The following GRIK2 variants were observed in gnomAD, a reference collection of about 807,000 sequenced individuals.
The protein encoded by GRIK2 is glutamate ionotropic receptor kainate type subunit 2.
In GRIK2, 32 loss-of-function variants were observed where a neutral mutation model predicts 100.3. That is an observed-to-expected ratio of 0.32 (90% CI 0.24 to 0.43). GRIK2 has a LOEUF of 0.43. Ranked by LOEUF, GRIK2 falls within the 20% of genes least tolerant of loss-of-function variation. The probability of loss-of-function intolerance (pLI) is 1.00; values close to 1 mark genes in which losing one functional copy is unlikely to be tolerated. For synonymous variants in GRIK2, 417 were observed against 389.4 expected (o/e 1.07, Z -0.83); for missense variants, 843 against 1,114.9 (o/e 0.76, Z 3.47).
At chr6:101,602,575 G>A (rs1045793327) in intron 2 of GRIK2, among the ~76,000 whole-genome samples, 3 of 151,172 alleles carry the variant, frequency 2.0e-5, no homozygotes, top group African/African-American at 7.3e-5. Context: ...TAAAGAAATG[G>A]AGGGTAATTT....
chr6:102,011,577 C>CTTTTTTTTTTTTTTTTTTTTTTTT (rs763369559), intron 14 of GRIK2, among the ~76,000 whole-genome samples: 3 of 76,650 alleles, frequency 3.9e-5, no homozygotes, highest in Admixed American at 2.0e-4. Flanking sequence ...CTTTCTTTTC[C>CTTTTTTTTTTTTTTTTTTTTTTTT]TTTTTTTTTT....
intron 2 of GRIK2, among the ~76,000 whole-genome samples, chr6:101,606,947 A>G (rs1779462377): frequency 6.6e-6 from 1 of 151,966 alleles, no homozygotes; most frequent in African/African-American, 2.4e-5. Context: ...TCTGTGTCAC[A>G]AACAGGTATG....
At chr6:101,811,968 T>G (rs1247643842) in intron 9 of GRIK2, among the ~76,000 whole-genome samples, 1 of 151,384 alleles carries the variant, frequency 6.6e-6, no homozygotes, top group Non-Finnish European at 1.5e-5. Flanking sequence ...AAAACAAAAT[T>G]ATATGAATAA....
intron 14 of GRIK2, among the ~76,000 whole-genome samples, chr6:101,929,594 CGAG>C (rs1790131577): frequency 6.6e-6 from 1 of 152,028 alleles, no homozygotes; most frequent in Admixed American, 6.6e-5. Flanking sequence ...TTCTCACTAT[CGAG>C]GAGATTATGG....
intron 7 of GRIK2, among the ~76,000 whole-genome samples, chr6:101,719,815 G>A (rs1774349564): frequency 6.6e-6 from 1 of 151,960 alleles, no homozygotes; most frequent in Non-Finnish European, 1.5e-5. Flanking sequence ...CCATTTAATA[G>A]TCCATTGACT....
At chr6:101,797,170 AT>A (rs1780359638) in intron 7 of GRIK2, among the ~76,000 whole-genome samples, 1 of 149,996 alleles carries the variant, frequency 6.7e-6, no homozygotes, top group Admixed American at 6.6e-5. Flanking sequence ...ATAGATCAAC[AT>A]TTTTATCTTG....
chr6:101,702,137 A>G (rs1179622829), intron 7 of GRIK2, among the ~76,000 whole-genome samples: 2 of 152,082 alleles, frequency 1.3e-5, no homozygotes, highest in Admixed American at 6.6e-5. Context: ...AAACAGTTAA[A>G]TAAAAGTGCA....
intron 2 of GRIK2, among the ~76,000 whole-genome samples, chr6:101,534,801 CAG>C: frequency 6.6e-6 from 1 of 151,838 alleles, no homozygotes; most frequent in Middle Eastern, 3.4e-3. Flanking sequence ...TTTTCTCTGA[CAG>C]AGAATAAAAG....
At chr6:101,631,763 A>G (rs1030605523) in intron 4 of GRIK2, among the ~76,000 whole-genome samples, 1 of 152,008 alleles carries the variant, frequency 6.6e-6, no homozygotes, top group African/African-American at 2.4e-5. Flanking sequence ...TTAGGTCAAA[A>G]TCACCTCCCT....
At chr6:101,830,727 G>T (rs1402702232) in intron 10 of GRIK2, among the ~76,000 whole-genome samples, 2 of 151,874 alleles carry the variant, frequency 1.3e-5, no homozygotes, top group Non-Finnish European at 2.9e-5. Flanking sequence ...ACAGATGCTG[G>T]TGAGGTGGGG....
chr6:101,820,047 G>A lies in GRIK2; in HGVS notation c.1317+1564G>A, dbSNP rs546684263. The stretch of plus-strand genomic sequence containing the variant: ...TTCCCATTATTTTCTTTCAGGAACC[G>A]TGTGTTTTAATTGAATTGGGATAAC... On this transcript the variant is annotated intron_variant, in intron 10 of 16. Coordinates refer to ENST00000369134, the MANE Select transcript of GRIK2 (RefSeq NM_021956.5). Among the ~76,000 whole-genome samples, 11 of 152,088 alleles carry A rather than the reference G, an allele frequency of 7.2e-5. No individual in the cohort carries two copies. In the South Asian group the frequency reaches 1.5e-3, roughly 20 times the overall value.
At chr6:101,537,129 T>C (rs545672918) in intron 2 of GRIK2, among the ~76,000 whole-genome samples, 1 of 151,856 alleles carries the variant, frequency 6.6e-6, no homozygotes, top group East Asian at 1.9e-4. Flanking sequence ...CTCCTGAAAC[T>C]GATCTATTTA....
intron 2 of GRIK2, among the ~76,000 whole-genome samples, chr6:101,510,652 A>T (rs2128277904): frequency 6.7e-6 from 1 of 149,618 alleles, no homozygotes. Flanking sequence ...CCTCCCGAGT[A>T]GCTGGGATTA....
rs183097714 is a variant in GRIK2, at chr6:101,805,995, T to C, written c.1203+3557T>C. Among the ~76,000 whole-genome samples the C allele has an allele frequency of 3.4e-3, 515 of 152,078 alleles. 5 individuals are homozygous for C. Among genetic ancestry groups the C allele is most frequent in the Middle Eastern group, 6.8e-3 (2 of 294 alleles). ...GTGTCCATAGATCAAATGAATTCTT[T>C]CTACTCTATTATAACAGAAGCCTTA... On this transcript the variant is annotated intron_variant, in intron 9 of 16. Transcript: ENST00000369134.
chr6:102,047,576 C>T (rs899593297), intron 15 of GRIK2, among the ~76,000 whole-genome samples: 2 of 151,700 alleles, frequency 1.3e-5, no homozygotes, highest in African/African-American at 4.8e-5. Context: ...GGTGAAACCC[C>T]ATCTCTACTA....
chr6:101,834,387 G>GT (rs950454405), intron 10 of GRIK2, among the ~76,000 whole-genome samples: 8 of 151,534 alleles, frequency 5.3e-5, no homozygotes, highest in African/African-American at 1.9e-4. Context: ...TGCTATTTGG[G>GT]TTTTTTTGGA....
chr6:101,732,673 G>A (rs1032486333), intron 7 of GRIK2, among the ~76,000 whole-genome samples: 9 of 152,144 alleles, frequency 5.9e-5, no homozygotes, highest in Admixed American at 2.6e-4. Context: ...GGAAAGAAGC[G>A]TGTCTAAATC....
intron 2 of GRIK2, among the ~76,000 whole-genome samples, chr6:101,587,207 T>C (rs535669506): frequency 6.6e-6 from 1 of 152,078 alleles, no homozygotes; most frequent in Non-Finnish European, 1.5e-5. Flanking sequence ...ACTATAGATA[T>C]TAAAATTTAG....
intron 9 of GRIK2, among the ~76,000 whole-genome samples, chr6:101,808,484 T>C (rs766389990): frequency 3.9e-5 from 6 of 152,068 alleles, no homozygotes; most frequent in African/African-American, 7.2e-5. Context: ...GTCAGTCTTT[T>C]ACTGTTACAC....
Sources: allele counts gnomAD v4.1 joint callset (sites outside exome capture counted in the v4.1 genomes callset), GRCh38; gene constraint gnomAD v4.1.1; transcripts MANE v1.5; gene names NCBI Gene and HGNC (gene_info 2026-07-23, HGNC 2026-07-21).